Variants in TRPM6 observed in about 807,000 individuals in gnomAD.
TRPM6 encodes the protein channel kinase 2.
A neutral mutation model predicts 247.6 loss-of-function variants in TRPM6; 111 were observed. The ratio of observed to expected loss-of-function variants is 0.45; its 90% CI spans 0.38 to 0.52. The LOEUF is 0.52. Among genes scored for constraint, TRPM6 ranks in the 20% least tolerant of loss-of-function variants. The probability of loss-of-function intolerance (pLI) is 0.00; values close to 1 mark genes in which losing one functional copy is unlikely to be tolerated. For synonymous variants in TRPM6, 892 were observed against 853.8 expected (o/e 1.04, Z -0.78); for missense variants, 2,126 against 2,421.5 (o/e 0.88, Z 2.56).
rs138441300 is a variant in TRPM6 at position 74,845,221 on chromosome 9, G to C, written c.153-2878C>G. Among the ~76,000 whole-genome samples, 35 of 152,326 alleles carry C rather than the reference G, an allele frequency of 2.3e-4. No individual in the cohort carries two copies. In the South Asian group the frequency reaches 3.9e-3, roughly 17 times the overall value. On this transcript the variant is annotated intron_variant, in intron 3 of 38. Coordinates refer to ENST00000360774, the MANE Select transcript of TRPM6 (RefSeq NM_017662.5). ...TGCCACTGGAAAAATGGCACTGACA[G>C]ACTTGCTTAATGCAAGGTTCCCACA...
At position 74,822,265 on chromosome 9, in the gene TRPM6, T is replaced by C. The variant is rs11144100; in HGVS notation, c.842-428A>G. Among the ~76,000 whole-genome samples the C allele has an allele frequency of 2.0e-5, 3 of 152,308 alleles. No homozygotes were observed. In the East Asian group the frequency reaches 5.8e-4, roughly 29 times the overall value. ...AATTATTACTTATTTATTTATTTTA[T>C]ATAAGACAAGGTCTCACTCTGTCAG... On this transcript the variant is annotated intron_variant, in intron 7 of 38. Coordinates refer to ENST00000360774, the MANE Select transcript of TRPM6 (RefSeq NM_017662.5).
chr9:74,859,292 G>C (rs944872111), intron 1 of TRPM6, among the ~76,000 whole-genome samples: 1 of 152,160 alleles, frequency 6.6e-6, no homozygotes. Context: ...CTAAATCCAA[G>C]TGAGATGTTG....
intron 11 of TRPM6, among the ~76,000 whole-genome samples, chr9:74,815,764 C>T (rs1373909784): frequency 6.6e-6 from 1 of 152,180 alleles, no homozygotes; most frequent in African/African-American, 2.4e-5. Flanking sequence ...TAAGTACTAG[C>T]TCTTGTGATT....
At chr9:74,881,694 T>C (rs1831370233) in intron 1 of TRPM6, among the ~76,000 whole-genome samples, 1 of 151,944 alleles carries the variant, frequency 6.6e-6, no homozygotes, top group African/African-American at 2.4e-5. Context: ...ACAAAACACA[T>C]CTCAACTAAT....
chr9:74,779,294 C>CA (rs1399931766), intron 23 of TRPM6, among the ~76,000 whole-genome samples: 2 of 152,126 alleles, frequency 1.3e-5, no homozygotes, highest in East Asian at 3.9e-4. Flanking sequence ...CATGCCCCCA[C>CA]AAAAAACTCA....
intron 14 of TRPM6, among the ~76,000 whole-genome samples, chr9:74,804,247 G>A (rs1828453459): frequency 6.6e-6 from 1 of 152,098 alleles, no homozygotes; most frequent in African/African-American, 2.4e-5. Flanking sequence ...AAGATTTACA[G>A]TTCTGATAAG....
chr9:74,723,015 A>T lies in TRPM6; in HGVS notation c.*1598T>A, dbSNP rs185341436. 6.6e-6 allele frequency: 1 copy of T among 152,312 alleles called. No homozygotes were observed. The highest frequency in any genetic ancestry group is 2.1e-4 in the South Asian group (1 of 4,830). 9.4% of individuals were successfully genotyped at this position (152,312 alleles called of 1,614,324 possible). ...TGCTGCCTGTGAACTGGAACAGCTTATAATAAGAAAGGAGATGCAATAGGA... is the reference window on the plus strand; with the variant it reads ...TGCTGCCTGTGAACTGGAACAGCTTTTAATAAGAAAGGAGATGCAATAGGA... On this transcript the variant is annotated 3_prime_UTR_variant, in exon 39 of 39. Coordinates refer to ENST00000360774, the MANE Select transcript of TRPM6 (RefSeq NM_017662.5).
At chr9:74,726,638 C>T (rs577879915) in intron 38 of TRPM6, among the ~76,000 whole-genome samples, 1 of 152,320 alleles carries the variant, frequency 6.6e-6, no homozygotes, top group Non-Finnish European at 1.5e-5. Flanking sequence ...TCAAGTCTCC[C>T]TGTGTCCTGG....
At chr9:74,884,363 C>G (rs866581576) in intron 1 of TRPM6, among the ~76,000 whole-genome samples, 15 of 151,882 alleles carry the variant, frequency 9.9e-5, no homozygotes, top group African/African-American at 3.6e-4. Context: ...GTGGCGGGTG[C>G]CTGTAGTCCC....
chr9:74,814,912 C>T (rs1828871925), intron 11 of TRPM6, among the ~76,000 whole-genome samples: 2 of 152,090 alleles, frequency 1.3e-5, no homozygotes, highest in Non-Finnish European at 2.9e-5. Context: ...CATGCAACTG[C>T]ACTCCAGTAT....
intron 1 of TRPM6, chr9:74,887,132 G>T (rs1831556444): frequency 2.9e-6 from 2 of 700,362 alleles, no homozygotes; most frequent in Admixed American, 3.8e-5. Flanking sequence ...TGCGCCATAT[G>T]CCAGCGGTGG....
At chr9:74,854,763 A>G (rs768167917) in intron 3 of TRPM6, among the ~76,000 whole-genome samples, 2 of 152,182 alleles carry the variant, frequency 1.3e-5, no homozygotes, top group Non-Finnish European at 2.9e-5. Flanking sequence ...TCCCAAGTTC[A>G]AGCAATCCTC....
intron 31 of TRPM6, among the ~76,000 whole-genome samples, chr9:74,746,255 G>A (rs1254156561): frequency 6.6e-6 from 1 of 151,928 alleles, no homozygotes; most frequent in East Asian, 1.9e-4. Flanking sequence ...AAAAAAAATG[G>A]TGTTATGTGG....
intron 29 of TRPM6, 113 bp downstream of exon 29, chr9:74,752,164 A>G (rs555017154): frequency 3.0e-6 from 2 of 673,142 alleles, no homozygotes; most frequent in African/African-American, 3.6e-5. Context: ...GATTAAGCAG[A>G]CTGTCAATAA....
At chr9:74,883,649 G>C (rs532903981) in intron 1 of TRPM6, among the ~76,000 whole-genome samples, 1 of 152,036 alleles carries the variant, frequency 6.6e-6, no homozygotes, top group Non-Finnish European at 1.5e-5. Context: ...AAATCTACAG[G>C]AACTACTGTT....
intron 11 of TRPM6, among the ~76,000 whole-genome samples, chr9:74,816,202 A>G (rs1439985147): frequency 6.6e-6 from 1 of 152,092 alleles, no homozygotes; most frequent in African/African-American, 2.4e-5. Flanking sequence ...ATAAAATAAA[A>G]TACAATTTCC....
At position 74,762,075 on chromosome 9, in the gene TRPM6, T is replaced by C; in HGVS notation, c.4596A>G (p.Arg1532=). ...TATGACTCCTAGCGAAGGGCCTGTATCTGCGGAGAGGATTGATCCAAAAGG... is the reference window on the plus strand; with the variant it reads ...TATGACTCCTAGCGAAGGGCCTGTACCTGCGGAGAGGATTGATCCAAAAGG... ...NTSFWINPLR[R]YRPFARSHSF... The change falls in exon 26 of 39, where the codon AGA becomes AGG. Residue 1532 remains arginine, a synonymous_variant. Transcript: ENST00000360774. 6.2e-7 allele frequency: 1 copy of C among 1,614,224 alleles called. No individual in the cohort carries two copies. Among genetic ancestry groups the C allele is most frequent in the Non-Finnish European group, 8.5e-7 (1 of 1,180,028 alleles).
chr9:74,821,568 A>G (rs1829129122), intron 8 of TRPM6, 101 bp downstream of exon 8: 1 of 1,376,480 alleles, frequency 7.3e-7, no homozygotes, highest in Admixed American at 1.7e-5. Context: ...CAACTTCTAT[A>G]ATCCAAGAAT....
At chr9:74,730,750 T>C (rs1032636513) in intron 37 of TRPM6, among the ~76,000 whole-genome samples, 1 of 152,152 alleles carries the variant, frequency 6.6e-6, no homozygotes, top group Non-Finnish European at 1.5e-5. Context: ...ACGTAAGGCA[T>C]TCGAAATGTG....
Sources: allele counts gnomAD v4.1 joint callset (sites outside exome capture counted in the v4.1 genomes callset), GRCh38; gene constraint gnomAD v4.1.1; transcripts MANE v1.5; gene names NCBI Gene and HGNC (gene_info 2026-07-23, HGNC 2026-07-21).